Variants in WWC2 observed in about 807,000 individuals in gnomAD.
The protein encoded by WWC2 is protein WWC2.
Under a neutral mutation model 138.5 loss-of-function variants are expected in WWC2, and 101 were observed. That is an observed-to-expected ratio of 0.73 (90% confidence interval 0.62 to 0.86). The LOEUF (loss-of-function observed/expected upper bound fraction) is 0.86. WWC2 is among the 40% of genes least tolerant of loss of function. WWC2 has a pLI of 0.00. For missense variants in WWC2, 1,420 were observed against 1,419.4 expected, an observed-to-expected ratio of 1.00 and a Z score of -0.01; for synonymous variants, 558 against 538.4, an observed-to-expected ratio of 1.04 and a Z score of -0.50.
intron 1 of WWC2, among the ~76,000 whole-genome samples, chr4:183,178,299 G>A (rs529695241): frequency 3.5e-4 from 53 of 151,744 alleles, no homozygotes; most frequent in African/African-American, 1.2e-3. Flanking sequence ...TCAACTCTTC[G>A]GGATACCAAT....
intron 4 of WWC2, among the ~76,000 whole-genome samples, chr4:183,214,255 A>G (rs1210853120): frequency 6.6e-6 from 1 of 152,196 alleles, no homozygotes; most frequent in Non-Finnish European, 1.5e-5. Flanking sequence ...GTTCTCAAGT[A>G]TGTACTGCTC....
intron 1 of WWC2, among the ~76,000 whole-genome samples, chr4:183,103,425 C>T (rs1743245091): frequency 1.3e-5 from 2 of 149,142 alleles, no homozygotes; most frequent in African/African-American, 5.0e-5. Flanking sequence ...CTCCCGGGTT[C>T]AAGCGATTCT....
intron 1 of WWC2, among the ~76,000 whole-genome samples, chr4:183,122,457 CAA>C (rs1373704094): frequency 6.6e-6 from 1 of 152,010 alleles, no homozygotes; most frequent in Non-Finnish European, 1.5e-5. Flanking sequence ...AAATTAAAGA[CAA>C]AAGGGGAAAT....
chr4:183,264,358 A>G (rs1487091231), intron 11 of WWC2, among the ~76,000 whole-genome samples: 1 of 152,204 alleles, frequency 6.6e-6, no homozygotes, highest in Non-Finnish European at 1.5e-5. Flanking sequence ...TTCCTTGCTC[A>G]CTGCAGGATG....
At chr4:183,228,687 A>G (rs1319036734) in intron 4 of WWC2, among the ~76,000 whole-genome samples, 1 of 152,086 alleles carries the variant, frequency 6.6e-6, no homozygotes, top group African/African-American at 2.4e-5. Flanking sequence ...AAGCGTCGTT[A>G]AGGATGTGGG....
intron 1 of WWC2, among the ~76,000 whole-genome samples, chr4:183,190,402 A>C (rs992488166): frequency 2.0e-5 from 3 of 152,230 alleles, no homozygotes; most frequent in Admixed American, 6.5e-5. Context: ...GTTACCTCTT[A>C]GTACGTCATA....
intron 17 of WWC2, among the ~76,000 whole-genome samples, chr4:183,282,337 T>C (rs1331182566): frequency 6.6e-6 from 1 of 152,262 alleles, no homozygotes; most frequent in Non-Finnish European, 1.5e-5. Flanking sequence ...CACTGTCATA[T>C]GATTAATTTT....
intron 5 of WWC2, among the ~76,000 whole-genome samples, chr4:183,241,968 AT>A (rs1370023559): frequency 6.6e-6 from 1 of 152,194 alleles, no homozygotes; most frequent in Non-Finnish European, 1.5e-5. Context: ...CTTGCAAGCA[AT>A]TTTTATAGGA....
At chr4:183,133,730 C>CAG (rs372734286) in intron 1 of WWC2, among the ~76,000 whole-genome samples, 36 of 152,260 alleles carry the variant, frequency 2.4e-4, no homozygotes, top group African/African-American at 6.5e-4. Flanking sequence ...CTCCTCACCT[C>CAG]GTGATCTGCC....
At chr4:183,210,328 A>AT in intron 4 of WWC2, among the ~76,000 whole-genome samples, 1 of 152,118 alleles carries the variant, frequency 6.6e-6, no homozygotes, top group East Asian at 1.9e-4. Flanking sequence ...TCAAAGGATA[A>AT]AAGGTGCAGA....
chr4:183,220,399 C>CT (rs999660248), intron 4 of WWC2, among the ~76,000 whole-genome samples: 3 of 152,032 alleles, frequency 2.0e-5, no homozygotes, highest in African/African-American at 7.2e-5. Flanking sequence ...GATTTTTGCT[C>CT]TTTTTTTCTA....
chr4:183,178,823 C>T (rs1243232328), intron 1 of WWC2, among the ~76,000 whole-genome samples: 1 of 152,128 alleles, frequency 6.6e-6, no homozygotes, highest in Non-Finnish European at 1.5e-5. Flanking sequence ...GCATCATGGC[C>T]CCAAGTCCCC....
chr4:183,288,187 A>T (rs767674949), intron 20 of WWC2, among the ~76,000 whole-genome samples: 2 of 152,188 alleles, frequency 1.3e-5, no homozygotes, highest in Non-Finnish European at 2.9e-5. Context: ...TATGTACTGG[A>T]TGTGGAGGAA....
chr4:183,131,409 T>C lies in WWC2; in HGVS notation c.131+31787T>C, dbSNP rs569295812. 9.9e-5 allele frequency among the ~76,000 whole-genome samples: 15 copies of C among 152,262 alleles called. No homozygotes were observed. The South Asian group carries it at 3.1e-3, about 32-fold the overall frequency. ...AGACTTCATCAAAATTAAATACTTC[T>C]GTGGATGATGCCGCTAAGAAAACGA... On this transcript the variant is annotated intron_variant, in intron 1 of 22. Transcript: ENST00000403733.
chr4:183,197,268 C>T (rs886630448), intron 2 of WWC2, among the ~76,000 whole-genome samples: 6 of 152,016 alleles, frequency 3.9e-5, no homozygotes, highest in African/African-American at 9.7e-5. Context: ...CCCAAATGAC[C>T]GACAGCAAAC....
At chr4:183,170,530 GCA>G (rs1285115552) in intron 1 of WWC2, among the ~76,000 whole-genome samples, 1 of 152,118 alleles carries the variant, frequency 6.6e-6, no homozygotes, top group East Asian at 1.9e-4. Flanking sequence ...CAAAGGGTTG[GCA>G]CAGGGAGAGG....
In WWC2 at chr4:183,286,063, T is replaced by C; in HGVS notation, c.3141+4T>C. 1 of 1,567,444 alleles carries C rather than the reference T, an allele frequency of 6.4e-7. No individual in the cohort carries two copies. The highest frequency in any genetic ancestry group is 1.2e-5 in the South Asian group (1 of 85,448). ...CCGCAGTTTGAGGGTCAAAAGGGTA[T>C]GTATTCCCTCAGCCACGTCCCACTG... On this transcript the variant is annotated splice_donor_region_variant and intron_variant, in intron 20 of 22. Transcript: ENST00000403733.
At chr4:183,307,638 C>T (rs1308043173) in intron 21 of WWC2, among the ~76,000 whole-genome samples, 1 of 152,176 alleles carries the variant, frequency 6.6e-6, no homozygotes, top group East Asian at 1.9e-4. Flanking sequence ...ATTTAACATT[C>T]AAAATCAATT....
chr4:183,297,941 G>C (rs578210021), intron 21 of WWC2, among the ~76,000 whole-genome samples: 33 of 152,306 alleles, frequency 2.2e-4, no homozygotes, highest in Non-Finnish European at 3.7e-4. Context: ...GCACATGTTG[G>C]CTTCAACAGA....
Sources: allele counts gnomAD v4.1 joint callset (sites outside exome capture counted in the v4.1 genomes callset), GRCh38; gene constraint gnomAD v4.1.1; transcripts MANE v1.5; gene names NCBI Gene and HGNC (gene_info 2026-07-23, HGNC 2026-07-21).